GRK4: variants seen among roughly 807,000 people sequenced by gnomAD.
The protein encoded by GRK4 is G protein-coupled receptor kinase 4.
A neutral mutation model predicts 77.9 loss-of-function variants in GRK4; 73 were observed. That is an observed-to-expected ratio of 0.94 (90% confidence interval 0.78 to 1.14). GRK4 has a LOEUF of 1.14. Ranked by LOEUF, GRK4 falls within the 50% of genes most tolerant of loss-of-function variation. The pLI is 0.00. For missense variants in GRK4, 729 were observed against 700.2 expected (o/e 1.04, Z -0.46); for synonymous variants, 257 against 254.4 (o/e 1.01, Z -0.10).
At chr4:2,984,207 C>A (rs897949434) in intron 1 of GRK4, among the ~76,000 whole-genome samples, 1 of 152,092 alleles carries the variant, frequency 6.6e-6, no homozygotes, top group Admixed American at 6.6e-5. Context: ...ATAAATATTT[C>A]TTTGATAAAT....
intron 8 of GRK4, among the ~76,000 whole-genome samples, chr4:3,016,533 A>C (rs1734559993): frequency 9.9e-6 from 1 of 100,798 alleles, no homozygotes; most frequent in African/African-American, 5.1e-5. Context: ...CTCAATCTCC[A>C]AAAAAAAAAA....
At chr4:2,995,126 C>T (rs538142891) in intron 4 of GRK4, among the ~76,000 whole-genome samples, 11 of 152,216 alleles carry the variant, frequency 7.2e-5, no homozygotes, top group South Asian at 2.1e-4. Context: ...CTCTTTTTTA[C>T]GGCTGCATAG....
chr4:3,037,380 G>A lies in GRK4; in HGVS notation c.1414G>A (p.Ala472Thr). Residue 472 changes from alanine to threonine, a missense_variant, in exon 14 of 16, where the codon GCC (alanine) becomes ACC (threonine). By Grantham distance (58) the Ala-to-Thr change is moderately conservative. Coordinates refer to ENST00000398052, the MANE Select transcript of GRK4 (RefSeq NM_182982.3). ...LEPPFCPDPH[A>T]VYCKDVLDIE... Reference sequence around the variant, plus strand: ...CCCTGTTCTTGCTACACAGCCTCATGCCGTTTACTGTAAGGACGTCCTGGA... The same window carrying A: ...CCCTGTTCTTGCTACACAGCCTCATACCGTTTACTGTAAGGACGTCCTGGA... The A allele has an allele frequency of 6.3e-7, 1 of 1,599,602 alleles. No homozygotes were observed. The highest frequency in any genetic ancestry group is 8.6e-7 in the Non-Finnish European group (1 of 1,168,276).
At chr4:3,010,736 G>A (rs1056625324) in intron 7 of GRK4, among the ~76,000 whole-genome samples, 1 of 152,188 alleles carries the variant, frequency 6.6e-6, no homozygotes, top group East Asian at 1.9e-4. Context: ...TAACTCAGGA[G>A]CAGGTTACAC....
intron 1 of GRK4, among the ~76,000 whole-genome samples, chr4:2,980,020 A>G (rs918587515): frequency 5.3e-5 from 8 of 152,222 alleles, no homozygotes; most frequent in African/African-American, 1.9e-4. Context: ...AATGGTTCTT[A>G]TCTCAGACAT....
At position 3,029,258 on chromosome 4, in the gene GRK4, G is replaced by T. The variant is rs1459012921; in HGVS notation, c.1118G>T (p.Gly373Val). The change falls in exon 12 of 16, where the codon GGC becomes GTC. Residue 373 changes from glycine (G) to valine (V), a missense_variant. Transcript: ENST00000398052. ...TTTAGTCCCGATTGGTGGGGACTTG[G>T]CTGTCTGATCTATGAAATGATTCAG... ...YTFSPDWWGL[G>V]CLIYEMIQGH... is the part of the protein sequence containing the mutation. The T allele has an allele frequency of 1.2e-6, 2 of 1,614,126 alleles. No homozygotes were observed. The highest frequency in any genetic ancestry group is 2.2e-5 in the South Asian group (2 of 91,084).
At chr4:2,965,627 T>G in intron 1 of GRK4, 1 of 616,930 alleles carries the variant, frequency 1.6e-6, no homozygotes, top group Middle Eastern at 3.7e-4. Context: ...AAGGCTCACT[T>G]GGGCCCAGGA....
intron 1 of GRK4, among the ~76,000 whole-genome samples, chr4:2,976,631 C>CTTTTTTTTTT (rs769469513): frequency 2.0e-4 from 23 of 117,326 alleles, no homozygotes; most frequent in South Asian, 5.5e-4. Flanking sequence ...TTCTTTCTTT[C>CTTTTTTTTTT]TTTTTTTTTT....
intron 8 of GRK4, among the ~76,000 whole-genome samples, chr4:3,015,465 G>A (rs1457227263): frequency 1.3e-5 from 2 of 151,738 alleles, no homozygotes; most frequent in Admixed American, 6.6e-5. Flanking sequence ...GCAGGCGTCA[G>A]GAGATCGAGA....
At chr4:3,034,594 C>T (rs1463919714) in intron 12 of GRK4, among the ~76,000 whole-genome samples, 2 of 152,062 alleles carry the variant, frequency 1.3e-5, no homozygotes, top group African/African-American at 4.8e-5. Context: ...CGGAGGAAGG[C>T]TTATTTGCCT....
chr4:2,975,812 T>C (rs1720966620), intron 1 of GRK4, among the ~76,000 whole-genome samples: 1 of 152,244 alleles, frequency 6.6e-6, no homozygotes, highest in South Asian at 2.1e-4. Flanking sequence ...AGTCAGCTTT[T>C]GATCTTGTTA....
chr4:3,006,505 T>A (rs1006876037), intron 5 of GRK4, among the ~76,000 whole-genome samples: 1 of 151,990 alleles, frequency 6.6e-6, no homozygotes, highest in Non-Finnish European at 1.5e-5. Flanking sequence ...TCTGGCTGGG[T>A]GCCATGGCTC....
At position 2,963,898 on chromosome 4, in the gene GRK4, G is replaced by T; in HGVS notation, c.-173G>T. The T allele has an allele frequency of 1.5e-6, 1 of 672,462 alleles. No homozygotes were observed. The highest frequency in any genetic ancestry group is 2.4e-5 in the Admixed American group (1 of 41,178). 41.7% of individuals were successfully genotyped at this position (672,462 alleles called of 1,614,324 possible). On this transcript the variant is annotated 5_prime_UTR_variant, in exon 1 of 16. Coordinates refer to ENST00000398052, the MANE Select transcript of GRK4 (RefSeq NM_182982.3). The stretch of plus-strand genomic sequence containing the variant: ...GAGGGCCTGCGGAGGCGGCGGCGGC[G>T]GCGCCCTTGGTGGCAGTGGTGGCGG...
Position 3,019,409 on chromosome 4 carries a change from C to A in GRK4, c.742-232C>A, listed in dbSNP as rs3213503. On this transcript the variant is annotated intron_variant, in intron 8 of 15. Coordinates refer to ENST00000398052, the MANE Select transcript of GRK4 (RefSeq NM_182982.3). ...TCTTGGTGAAGTTTCGCCACTTCTTCGCTTAGCTGTAGAAAGTTCTCTCTT... is the reference window on the plus strand; with the variant it reads ...TCTTGGTGAAGTTTCGCCACTTCTTAGCTTAGCTGTAGAAAGTTCTCTCTT... Among the ~76,000 whole-genome samples, 15 of 152,258 alleles carry A rather than the reference C, an allele frequency of 9.9e-5. 1 individual carries two copies. The East Asian group carries it at 2.9e-3, about 29-fold the overall frequency.
intron 1 of GRK4, among the ~76,000 whole-genome samples, chr4:2,975,995 T>C (rs1721032272): frequency 6.6e-6 from 1 of 152,044 alleles, no homozygotes; most frequent in African/African-American, 2.4e-5. Flanking sequence ...AACAGGCCGG[T>C]TTTAGCCAGC....
chr4:3,038,195 C>A (rs571839897), intron 14 of GRK4, among the ~76,000 whole-genome samples, 181 bp from the exon 15 acceptor site: 1 of 152,312 alleles, frequency 6.6e-6, no homozygotes, highest in African/African-American at 2.4e-5. Context: ...GACCACATTA[C>A]TTATTCCAAG....
chr4:2,985,785 T>C lies in GRK4; in HGVS notation c.148+1177T>C, dbSNP rs1300366650. On this transcript the variant is annotated intron_variant, in intron 2 of 15. Transcript: ENST00000398052. ...AGACTGAGGTGGGCGGATCACGAGA[T>C]CAGGAGATCGAGACCATCCTGGCTA... is the stretch of plus-strand genomic sequence containing the variant. 6 of 268,182 alleles carry C rather than the reference T, an allele frequency of 2.2e-5. No individual in the cohort carries two copies. The East Asian group carries it at 9.4e-4, about 42-fold the overall frequency. The allele number at this position is 268,182 out of a possible 1,614,324, so 16.6% of individuals were successfully genotyped here. A position where few individuals can be genotyped will look rare whatever the true frequency, so the allele number is the denominator to read the frequency against.
Position 3,035,540 on chromosome 4 carries a change from G to T in GRK4, c.1407+17G>T, listed in dbSNP as rs367985112. ...TGTCCTGATGTAAGTGCATTGCCAG[G>T]ACGAGCAGGGCCCTAGGAACAGTGA... On this transcript the variant is annotated intron_variant, in intron 13 of 15. Transcript: ENST00000398052. 5 of 1,606,678 alleles carry T rather than the reference G, an allele frequency of 3.1e-6. No individual in the cohort carries two copies. The African/African-American group carries it at 4.0e-5, about 13-fold the overall frequency.
intron 10 of GRK4, among the ~76,000 whole-genome samples, chr4:3,022,736 G>C (rs1736438413): frequency 6.6e-6 from 1 of 151,990 alleles, no homozygotes; most frequent in Non-Finnish European, 1.5e-5. Context: ...GCCCAGGCTG[G>C]AGTGCAGTGG....
Sources: gnomAD v4.1 joint callset for allele counts (sites outside exome capture counted in the v4.1 genomes callset) on GRCh38, gnomAD v4.1.1 for gene constraint, MANE v1.5 for transcripts, NCBI Gene and HGNC (gene_info 2026-07-23, HGNC 2026-07-21) for gene names.